The following CSMD1 variants were observed in gnomAD, a reference collection of about 807,000 sequenced individuals.
CSMD1 encodes the protein CUB and sushi domain-containing protein 1.
CSMD1 carries 213 observed loss-of-function variants against 417.5 expected under a neutral mutation model. The ratio of observed to expected loss-of-function variants is 0.51; its 90% CI spans 0.46 to 0.57. The LOEUF (loss-of-function observed/expected upper bound fraction) is 0.57, where lower values mean the gene tolerates loss of function less well. Among genes scored for constraint, CSMD1 ranks in the 20% least tolerant of loss-of-function variants. CSMD1 has a pLI of 0.00. For missense variants in CSMD1, 6,923 were observed against 4,529.7 expected (o/e 1.53, Z -15.17); for synonymous variants, 2,862 against 1,736.8 (o/e 1.65, Z -16.11).
intron 5 of CSMD1, among the ~76,000 whole-genome samples, chr8:3,838,103 T>A (rs563069405): frequency 6.6e-6 from 1 of 152,108 alleles, no homozygotes; most frequent in Non-Finnish European, 1.5e-5. Context: ...AAACTGGAAT[T>A]TCTAACTTGG....
rs146657858 is a variant in CSMD1 at position 3,068,508 on chromosome 8, G to A, written c.7475-15861C>T. Among the ~76,000 whole-genome samples the A allele has an allele frequency of 2.6e-3, 395 of 152,178 alleles. 4 individuals carry two copies. The highest frequency in any genetic ancestry group is 8.1e-3 in the African/African-American group (337 of 41,520). The stretch of plus-strand genomic sequence containing the variant: ...TGCACATGTGTATTAGGCCATTCTC[G>A]CATTGCTATAAAGAAATACCTGAGA... On this transcript the variant is annotated intron_variant, in intron 49 of 69. Transcript: ENST00000635120.
In CSMD1 at chr8:4,796,859, G is replaced by T. The variant is rs147664682; in HGVS notation, c.86-159301C>A. 2.0e-5 allele frequency among the ~76,000 whole-genome samples: 3 copies of T among 152,254 alleles called. No homozygotes were observed. In the East Asian group the frequency reaches 5.8e-4, roughly 29 times the overall value. ...CTCTTGGACAATTGCAAAGGTCTGG[G>T]GTCAGGCAAGCCGCACATATGCACA... On this transcript the variant is annotated intron_variant, in intron 1 of 69. Coordinates refer to ENST00000635120, the MANE Select transcript of CSMD1 (RefSeq NM_033225.6).
At chr8:4,742,898 G>A (rs998062262) in intron 1 of CSMD1, among the ~76,000 whole-genome samples, 1 of 151,816 alleles carries the variant, frequency 6.6e-6, no homozygotes, top group Non-Finnish European at 1.5e-5. Context: ...CTATCAGAAC[G>A]GTTAAAAAAA....
At chr8:3,510,260 T>C (rs1021575769) in intron 10 of CSMD1, among the ~76,000 whole-genome samples, 7 of 151,844 alleles carry the variant, frequency 4.6e-5, no homozygotes, top group Admixed American at 1.3e-4. Context: ...GCCGCGTCCC[T>C]TGCCTGCAGC....
At chr8:4,719,717 C>A (rs1006050690) in intron 1 of CSMD1, among the ~76,000 whole-genome samples, 3 of 152,094 alleles carry the variant, frequency 2.0e-5, no homozygotes, top group African/African-American at 7.2e-5. Flanking sequence ...AAAAGCTACC[C>A]AGTTTTAAAT....
In CSMD1 at chr8:4,387,684, C is replaced by G. The variant is rs569314192; in HGVS notation, c.415+32269G>C. Reference sequence around the variant, plus strand: ...AAACTACATCAATTAAGGGCTTTTACAAAGAGACAGCCTTGAGGCAATAGT... The same window carrying G: ...AAACTACATCAATTAAGGGCTTTTAGAAAGAGACAGCCTTGAGGCAATAGT... On this transcript the variant is annotated intron_variant, in intron 3 of 69. Transcript: ENST00000635120. 6.1e-5 allele frequency among the ~76,000 whole-genome samples: 9 copies of G among 147,844 alleles called. No individual in the cohort carries two copies. In the South Asian group the frequency reaches 1.1e-3, roughly 18 times the overall value.
At chr8:3,631,339 C>T (rs762068171) in intron 7 of CSMD1, among the ~76,000 whole-genome samples, 15 of 152,138 alleles carry the variant, frequency 9.9e-5, no homozygotes, top group Non-Finnish European at 2.1e-4. Context: ...TCTGAGTCTG[C>T]ACAGAGACTG....
chr8:3,375,766 T>G (rs1810267584), intron 18 of CSMD1, among the ~76,000 whole-genome samples: 1 of 152,134 alleles, frequency 6.6e-6, no homozygotes, highest in Non-Finnish European at 1.5e-5. Flanking sequence ...CGCTGGACAC[T>G]GCAGCATGAA....
intron 5 of CSMD1, among the ~76,000 whole-genome samples, chr8:3,763,614 G>C (rs1180907393): frequency 1.3e-5 from 2 of 152,090 alleles, no homozygotes; most frequent in Admixed American, 1.3e-4. Flanking sequence ...ATAAACCTCT[G>C]TTTTAAAAAT....
chr8:3,630,183 C>T (rs1273672365), intron 7 of CSMD1, among the ~76,000 whole-genome samples: 1 of 152,230 alleles, frequency 6.6e-6, no homozygotes, highest in African/African-American at 2.4e-5. Flanking sequence ...TACAGGCAGG[C>T]TCTCCGTCAG....
At chr8:4,650,961 C>G (rs990131531) in intron 1 of CSMD1, among the ~76,000 whole-genome samples, 2 of 152,148 alleles carry the variant, frequency 1.3e-5, no homozygotes, top group Non-Finnish European at 2.9e-5. Flanking sequence ...GAAACTTGTA[C>G]TCATAAGTTA....
intron 5 of CSMD1, among the ~76,000 whole-genome samples, chr8:3,978,196 C>T (rs954982899): frequency 6.6e-6 from 1 of 152,170 alleles, no homozygotes; most frequent in African/African-American, 2.4e-5. Flanking sequence ...CCTGTTATTA[C>T]CAATGAGGTC....
At chr8:3,295,373 G>A (rs900346974) in intron 25 of CSMD1, among the ~76,000 whole-genome samples, 2 of 152,028 alleles carry the variant, frequency 1.3e-5, no homozygotes, top group Admixed American at 6.6e-5. Flanking sequence ...TGATCCACCC[G>A]CCTCGGCCTC....
chr8:4,637,098 G>A (rs1266219046), intron 2 of CSMD1, among the ~76,000 whole-genome samples: 3 of 152,092 alleles, frequency 2.0e-5, no homozygotes, highest in Non-Finnish European at 4.4e-5. Context: ...GCTGTGCTGT[G>A]GAAACTTTAT....
intron 1 of CSMD1, among the ~76,000 whole-genome samples, chr8:4,796,183 A>G (rs1346949998): frequency 1.3e-5 from 2 of 151,864 alleles, no homozygotes; most frequent in African/African-American, 4.8e-5. Context: ...AAGGGAAGAA[A>G]ATGCAGGAAG....
intron 10 of CSMD1, among the ~76,000 whole-genome samples, chr8:3,504,184 G>C (rs1166247956): frequency 2.0e-5 from 3 of 152,092 alleles, no homozygotes; most frequent in South Asian, 2.1e-4. Flanking sequence ...CTGTATACCA[G>C]TATTGAAACA....
At chr8:4,857,199 A>T (rs1263504948) in intron 1 of CSMD1, among the ~76,000 whole-genome samples, 3 of 150,632 alleles carry the variant, frequency 2.0e-5, no homozygotes, top group Admixed American at 6.6e-5. Flanking sequence ...GCAGAAATAA[A>T]GATGTTCTTT....
At chr8:4,249,194 G>A (rs1303557302) in intron 3 of CSMD1, among the ~76,000 whole-genome samples, 1 of 152,148 alleles carries the variant, frequency 6.6e-6, no homozygotes, top group Non-Finnish European at 1.5e-5. Flanking sequence ...GCTTGATAGT[G>A]TCACCAGGAG....
At chr8:4,701,306 T>C (rs1807527295) in intron 1 of CSMD1, among the ~76,000 whole-genome samples, 1 of 122,202 alleles carries the variant, frequency 8.2e-6, no homozygotes, top group Non-Finnish European at 1.6e-5. Context: ...TGAGCCATCC[T>C]TCCTTTGATG....
Sources: gnomAD v4.1 joint callset for allele counts (sites outside exome capture counted in the v4.1 genomes callset) on GRCh38, gnomAD v4.1.1 for gene constraint, MANE v1.5 for transcripts, NCBI Gene and HGNC (gene_info 2026-07-23, HGNC 2026-07-21) for gene names.